The following ADGRG2 variants were observed in gnomAD, a reference collection of about 807,000 sequenced individuals.
ADGRG2 encodes the protein adhesion G protein-coupled receptor G2, also known as G protein-coupled receptor 64.
A neutral mutation model predicts 74.1 loss-of-function variants in ADGRG2; 26 were observed. The ratio of observed to expected loss-of-function variants is 0.35; its 90% CI spans 0.26 to 0.49. The LOEUF (loss-of-function observed/expected upper bound fraction) is 0.49. Among genes scored for constraint, ADGRG2 ranks in the 20% least tolerant of loss-of-function variants. ADGRG2 has a pLI of 0.99. For synonymous variants in ADGRG2, 296 were observed against 295.2 expected (o/e 1.00, Z -0.03); for missense variants, 619 against 763.1 (o/e 0.81, Z 2.22).
intron 1 of ADGRG2, among the ~76,000 whole-genome samples, chrX:19,083,165 G>A (rs1225809572): frequency 1.0e-5 from 1 of 96,058 alleles, no homozygotes; most frequent in Non-Finnish European, 2.0e-5. Flanking sequence ...TACCACACCC[G>A]GCTAATTTTT....
rs2059894568 is a variant in ADGRG2, at chrX:18,989,844, C to CTAGTCTACTCTCCTGTTCCTAAAGGCTCT, written c.*991_*1019dup. ...ATGTACCTTTTTAAGAGAAGGAATC[C>CTAGTCTACTCTCCTGTTCCTAAAGGCTCT]TAGTCTACTCTCCTGTTCCTAAAGG... On this transcript the variant is annotated 3_prime_UTR_variant, in exon 29 of 29. Transcript: ENST00000379869. 1 of 111,942 alleles carries CTAGTCTACTCTCCTGTTCCTAAAGGCTCT rather than the reference C, an allele frequency of 8.9e-6. No homozygotes were observed. The highest frequency in any genetic ancestry group is 3.8e-4 in the South Asian group (1 of 2,616). The allele number at this position is 111,942 out of a possible 1,213,427, so 9.2% of individuals were successfully genotyped here.
intron 9 of ADGRG2, among the ~76,000 whole-genome samples, chrX:19,029,346 C>T (rs770626170): frequency 1.8e-5 from 2 of 112,075 alleles, no homozygotes; most frequent in South Asian, 7.4e-4. Context: ...ACACCCACAA[C>T]GTCTCTGCCT....
rs1569373375 is a variant in ADGRG2 at position 19,013,897 on chromosome X, T to A, written c.888A>T (p.Ile296=). The A allele has an allele frequency of 1.7e-6, 2 of 1,209,189 alleles. No homozygotes were observed. Among genetic ancestry groups the A allele is most frequent in the Admixed American group, 4.4e-5 (2 of 45,913 alleles). The change falls in exon 16 of 29, where the codon ATA becomes ATT. Residue 296 remains isoleucine (I), a synonymous_variant. Coordinates refer to ENST00000379869, the MANE Select transcript of ADGRG2 (RefSeq NM_001079858.3). ...GGGGTGAAAGGGGTTGAATCTCCCC[T>A]ATTGGAGAGGGAACATTGTGGGTCA... The part of the protein sequence containing the change: ...SPVTHNVPSP[I]GEIQPLSPQP...
rs1309364375 is a variant in ADGRG2, at chrX:18,999,298, G to T, written c.2331-19C>A. 1.8e-6 allele frequency: 2 copies of T among 1,138,304 alleles called. No individual in the cohort carries two copies. Among genetic ancestry groups the T allele is most frequent in the East Asian group, 3.0e-5 (1 of 33,276 alleles). 93.8% of individuals were successfully genotyped at this position (1,138,304 alleles called of 1,213,427 possible). On this transcript the variant is annotated intron_variant, in intron 25 of 28. Coordinates refer to ENST00000379869, the MANE Select transcript of ADGRG2 (RefSeq NM_001079858.3). ...CCAGCAGCTGGAGTTTGTGGAGGGG[G>T]GGAAACAGGGGAAAACATATTATAG...
rs377127769 is a variant in ADGRG2 at position 18,999,740 on chromosome X, A to G, written c.2330+121T>C. The G allele has an allele frequency of 1.7e-4, 92 of 527,630 alleles. 1 individual carries two copies. In the African/African-American group the frequency reaches 1.9e-3, roughly 11 times the overall value. The allele number at this position is 527,630 out of a possible 1,213,427, so 43.5% of individuals were successfully genotyped here. ...CATATGACTGTGAAGGCTGCTGTGA[A>G]GTATTGCTGGGTTTTATTAGGATGA... is the stretch of plus-strand genomic sequence containing the variant. On this transcript the variant is annotated intron_variant, in intron 25 of 28. Transcript: ENST00000379869.
chrX:19,109,722 A>G (rs749990097), intron 1 of ADGRG2, among the ~76,000 whole-genome samples: 3 of 111,730 alleles, frequency 2.7e-5, no homozygotes, highest in Non-Finnish European at 5.6e-5. Context: ...ATCCTCCCAA[A>G]TGAAGTGTTT....
At chrX:19,011,199 A>G (rs2060349160) in intron 16 of ADGRG2, among the ~76,000 whole-genome samples, 2 of 111,714 alleles carry the variant, frequency 1.8e-5, no homozygotes, top group South Asian at 7.6e-4. Context: ...AAAAACCTGT[A>G]TGGAAACAGA....
intron 1 of ADGRG2, among the ~76,000 whole-genome samples, chrX:19,100,250 G>A (rs5955692): frequency 8.9e-6 from 1 of 112,307 alleles, no homozygotes; most frequent in African/African-American, 3.2e-5. Context: ...AGTTATCATA[G>A]GTAAAAATCT....
In ADGRG2 at chrX:19,033,651, T is replaced by C. The variant is rs1307255760; in HGVS notation, c.266A>G (p.Lys89Arg). 3.7e-6 allele frequency: 3 copies of C among 806,355 alleles called. No homozygotes were observed. Among genetic ancestry groups the C allele is most frequent in the Non-Finnish European group, 5.6e-6 (3 of 539,943 alleles). 66.5% of individuals were successfully genotyped at this position (806,355 alleles called of 1,213,427 possible). The change falls in exon 8 of 29, where the codon AAA becomes AGA. Residue 89 changes from lysine (K) to arginine (R), a missense_variant. Around this residue, in one of 3 missense-constraint regions of ADGRG2, gnomAD observed 292 missense variants for 318.0 expected, o/e 0.92. Coordinates refer to ENST00000379869, the MANE Select transcript of ADGRG2 (RefSeq NM_001079858.3). ...LSLLPSNETE[K>R]TKITIVKTFN... ...GGTTTTTACTATAGTGATTTTAGTT[T>C]TTTCTGCAAAGAAACAACTTAAATA...
At chrX:19,082,095 AAAG>A (rs1879023615) in intron 2 of ADGRG2, among the ~76,000 whole-genome samples, 1 of 107,047 alleles carries the variant, frequency 9.3e-6, no homozygotes, top group African/African-American at 3.4e-5. Flanking sequence ...AAAAAAAAAA[AAAG>A]AAAAGAAAGA....
At chrX:19,034,730 C>T (rs2060898917) in intron 7 of ADGRG2, 2 of 111,248 alleles carry the variant, frequency 1.8e-5, no homozygotes, top group African/African-American at 6.5e-5. Flanking sequence ...GTCAGGAGAT[C>T]GAGACTATCC....
chrX:19,100,284 A>G (rs756418371), intron 1 of ADGRG2, among the ~76,000 whole-genome samples: 2 of 113,221 alleles, frequency 1.8e-5, no homozygotes, highest in Non-Finnish European at 3.7e-5. Context: ...AAAGGGTCAA[A>G]TAGTAAATAT....
chrX:19,114,011 GC>G (rs1236603398), intron 1 of ADGRG2, among the ~76,000 whole-genome samples: 1 of 104,014 alleles, frequency 9.6e-6, no homozygotes, highest in Non-Finnish European at 2.0e-5. Context: ...GGCAGAGGTT[GC>G]AGTGAGCCGA....
intron 3 of ADGRG2, among the ~76,000 whole-genome samples, chrX:19,059,139 T>A (rs1451734514): frequency 9.0e-6 from 1 of 111,601 alleles, no homozygotes; most frequent in Admixed American, 9.6e-5. Context: ...GCCATGATTG[T>A]TGCGCCTGTG....
intron 1 of ADGRG2, among the ~76,000 whole-genome samples, chrX:19,111,234 G>A (rs1416354494): frequency 9.0e-6 from 1 of 111,106 alleles, no homozygotes; most frequent in Non-Finnish European, 1.9e-5. Context: ...GGAAAATATT[G>A]AGTTTGAGAT....
chrX:19,086,168 G>C (rs866819305), intron 1 of ADGRG2, among the ~76,000 whole-genome samples: 46 of 111,813 alleles, frequency 4.1e-4, no homozygotes, highest in Non-Finnish European at 7.0e-4. Flanking sequence ...TAGAGAAGCG[G>C]AACAGGAATG....
At chrX:19,115,564 T>C (rs2062495706) in intron 1 of ADGRG2, among the ~76,000 whole-genome samples, 1 of 111,155 alleles carries the variant, frequency 9.0e-6, no homozygotes, top group African/African-American at 3.3e-5. Context: ...CAGCAAACGC[T>C]TGGCTTGGGT....
At chrX:19,010,852 C>T (rs138800164) in intron 16 of ADGRG2, 74 bp from the exon 17 acceptor site, 15,550 of 748,481 alleles carry the variant, frequency 0.021, 176 homozygotes, top group Non-Finnish European at 0.025. Context: ...GTACATAGAC[C>T]CTGTGATATG....
At chrX:19,105,927 C>CAAAA (rs748026875) in intron 1 of ADGRG2, among the ~76,000 whole-genome samples, 1,033 of 29,865 alleles carry the variant, frequency 0.035, 126 homozygotes, top group African/African-American at 0.12. Flanking sequence ...GACTCTGTCT[C>CAAAA]AAAAAAAAAA....
Sources: gnomAD v4.1 joint callset for allele counts (sites outside exome capture counted in the v4.1 genomes callset) on GRCh38, gnomAD v4.1.1 for gene constraint, gnomAD v4.1.1 regional missense constraint, MANE v1.5 for transcripts, NCBI Gene and HGNC (gene_info 2026-07-23, HGNC 2026-07-21) for gene names.